NLK: variants seen among roughly 807,000 people sequenced by gnomAD.
The protein encoded by NLK is nemo like kinase.
A neutral mutation model predicts 59.0 loss-of-function variants in NLK; 11 were observed. The ratio of observed to expected loss-of-function variants is 0.19; its 90% CI spans 0.12 to 0.31. The LOEUF (loss-of-function observed/expected upper bound fraction) is 0.31. Among genes scored for constraint, NLK ranks in the 10% least tolerant of loss-of-function variants. NLK has a pLI of 1.00. For missense variants in NLK, 410 were observed against 661.1 expected (o/e 0.62, Z 4.16); for synonymous variants, 235 against 235.9 (o/e 1.00, Z 0.03).
chr17:28,168,407 T>A (rs758712766), intron 5 of NLK, 41 bp from the exon 6 acceptor site: 2 of 1,420,380 alleles, frequency 1.4e-6, no homozygotes, highest in South Asian at 2.3e-5. Context: ...CTCTTTCATT[T>A]GTATTTGCTT....
At chr17:28,133,359 G>A (rs1906600788) in intron 3 of NLK, among the ~76,000 whole-genome samples, 2 of 152,122 alleles carry the variant, frequency 1.3e-5, no homozygotes, top group Non-Finnish European at 2.9e-5. Context: ...TTGGTTCCAG[G>A]TATTCTGACT....
intron 1 of NLK, among the ~76,000 whole-genome samples, chr17:28,116,003 ATTG>A (rs1417373642): frequency 6.6e-6 from 1 of 151,958 alleles, no homozygotes; most frequent in African/African-American, 2.4e-5. Context: ...ACTATTTTTT[ATTG>A]TTGTTGCTGA....
In NLK at chr17:28,043,264, C is replaced by T. The variant is rs1908934548; in HGVS notation, c.391C>T (p.His131Tyr). Residue 131 changes from histidine (H) to tyrosine (Y), a missense_variant, in exon 1 of 11, where the codon CAT (histidine) becomes TAT (tyrosine). Coordinates refer to ENST00000407008, the MANE Select transcript of NLK (RefSeq NM_016231.5). ...GGCGCACCATCATCAGCACTCGCAT[C>T]ATCCACAGCAGCAGCTGGATATTGA... The part of the protein sequence containing the change: ...VKAHHHQHSH[H>Y]PQQQLDIEPD... The T allele has an allele frequency of 6.2e-7, 1 of 1,612,488 alleles. No individual in the cohort carries two copies. Among genetic ancestry groups the T allele is most frequent in the South Asian group, 1.1e-5 (1 of 90,926 alleles).
intron 3 of NLK, among the ~76,000 whole-genome samples, chr17:28,156,578 G>A (rs1907744206): frequency 6.6e-6 from 1 of 152,150 alleles, no homozygotes; most frequent in African/African-American, 2.4e-5. Context: ...GGGAGGGGGA[G>A]GGGGATGGTC....
chr17:28,143,353 C>T (rs1907095769), intron 3 of NLK, among the ~76,000 whole-genome samples: 2 of 151,908 alleles, frequency 1.3e-5, no homozygotes, highest in South Asian at 4.1e-4. Flanking sequence ...AAGATGAAAA[C>T]TTTTAAAAAA....
chr17:28,156,222 T>G (rs1907709577), intron 3 of NLK, among the ~76,000 whole-genome samples: 2 of 152,150 alleles, frequency 1.3e-5, no homozygotes, highest in Non-Finnish European at 2.9e-5. Flanking sequence ...TTAACAATAT[T>G]AATCATTTTG....
intron 1 of NLK, among the ~76,000 whole-genome samples, chr17:28,108,190 C>T (rs374440797): frequency 6.6e-6 from 1 of 152,120 alleles, no homozygotes; most frequent in South Asian, 2.1e-4. Flanking sequence ...CATCACTGTG[C>T]TCCAGCCTGG....
chr17:28,074,615 TTTA>T (rs1260984230), intron 1 of NLK, among the ~76,000 whole-genome samples: 2 of 152,202 alleles, frequency 1.3e-5, no homozygotes, highest in Non-Finnish European at 2.9e-5. Flanking sequence ...CCTGCAGTTT[TTTA>T]TTATTTTTTT....
At position 28,196,062 on chromosome 17, in the gene NLK, T is replaced by C. The variant is rs991250221; in HGVS notation, c.*1426T>C. ...AGTGATCTGAGCTGAATTTGAAGACTATTAATAAGTTATGTTTGGAAGTTT... is the reference window on the plus strand; with the variant it reads ...AGTGATCTGAGCTGAATTTGAAGACCATTAATAAGTTATGTTTGGAAGTTT... On this transcript the variant is annotated 3_prime_UTR_variant, in exon 11 of 11. Transcript: ENST00000407008. The C allele has an allele frequency of 6.6e-6, 1 of 152,662 alleles. No homozygotes were observed. Among genetic ancestry groups the C allele is most frequent in the Admixed American group, 6.5e-5 (1 of 15,286 alleles). 9.5% of individuals were successfully genotyped at this position (152,662 alleles called of 1,614,324 possible).
At chr17:28,044,663 T>C (rs1301639801) in intron 1 of NLK, among the ~76,000 whole-genome samples, 2 of 152,202 alleles carry the variant, frequency 1.3e-5, no homozygotes, top group African/African-American at 4.8e-5. Context: ...TGCCTTCCTC[T>C]CTTCCCTTCC....
chr17:28,072,848 A>G (rs1910050531), intron 1 of NLK, among the ~76,000 whole-genome samples: 1 of 152,094 alleles, frequency 6.6e-6, no homozygotes. Context: ...ATTTTTTCAA[A>G]TACATTAAAA....
intron 1 of NLK, among the ~76,000 whole-genome samples, chr17:28,064,410 A>C (rs1394535630): frequency 1.3e-5 from 2 of 151,908 alleles, no homozygotes; most frequent in Non-Finnish European, 2.9e-5. Flanking sequence ...CTTTTCCCAA[A>C]GTGTTGGGAT....
intron 1 of NLK, among the ~76,000 whole-genome samples, chr17:28,067,716 CTTAGATG>C (rs918867731): frequency 1.3e-5 from 2 of 151,864 alleles, no homozygotes; most frequent in African/African-American, 2.4e-5. Context: ...CTTTTGGGAT[CTTAGATG>C]TTAGAGATTG....
At chr17:28,047,627 G>A (rs1466954214) in intron 1 of NLK, among the ~76,000 whole-genome samples, 4 of 152,138 alleles carry the variant, frequency 2.6e-5, no homozygotes, top group African/African-American at 9.7e-5. Flanking sequence ...GGATGAAAAA[G>A]TGTGAATTGC....
intron 1 of NLK, among the ~76,000 whole-genome samples, chr17:28,109,417 A>T (rs952516907): frequency 3.3e-5 from 5 of 152,330 alleles, no homozygotes; most frequent in Admixed American, 3.3e-4. Flanking sequence ...TTTACCCATC[A>T]TAAGTATGTA....
chr17:28,194,728 T>A lies in NLK; in HGVS notation c.*92T>A. 1.4e-6 allele frequency: 1 copy of A among 703,024 alleles called. No individual in the cohort carries two copies. The highest frequency in any genetic ancestry group is 2.3e-6 in the Non-Finnish European group (1 of 436,918). 43.5% of individuals were successfully genotyped at this position (703,024 alleles called of 1,614,324 possible). ...CTGGAGGTTAATCATGCTTGTACTGTAATTTTACTAATGAAGTTTTAAATT... is the reference window on the plus strand; with the variant it reads ...CTGGAGGTTAATCATGCTTGTACTGAAATTTTACTAATGAAGTTTTAAATT... On this transcript the variant is annotated 3_prime_UTR_variant, in exon 11 of 11. Transcript: ENST00000407008.
intron 1 of NLK, among the ~76,000 whole-genome samples, chr17:28,088,752 A>G (rs1237985309): frequency 6.6e-6 from 1 of 151,972 alleles, no homozygotes; most frequent in East Asian, 1.9e-4. Flanking sequence ...TCATCTGTAC[A>G]TTTTCTAACC....
At chr17:28,053,046 G>T (rs1462300238) in intron 1 of NLK, among the ~76,000 whole-genome samples, 1 of 151,920 alleles carries the variant, frequency 6.6e-6, no homozygotes, top group East Asian at 1.9e-4. Flanking sequence ...AAAGTGCTGG[G>T]ATTACAGGCC....
downstream of NLK, among the ~76,000 whole-genome samples, chr17:28,197,714 G>A (rs532446153): frequency 1.3e-5 from 2 of 151,890 alleles, no homozygotes; most frequent in South Asian, 4.1e-4. Context: ...TGACTCATAA[G>A]GCTTAGAATT....
Sources: gnomAD v4.1 joint callset for allele counts (sites outside exome capture counted in the v4.1 genomes callset) on GRCh38, gnomAD v4.1.1 for gene constraint, MANE v1.5 for transcripts, NCBI Gene and HGNC (gene_info 2026-07-23, HGNC 2026-07-21) for gene names.